The following CELF2 variants were observed in gnomAD, a reference collection of about 807,000 sequenced individuals.
CELF2 encodes the protein CUG triplet repeat RNA-binding protein 2.
A neutral mutation model predicts 62.6 loss-of-function variants in CELF2; 8 were observed. The ratio of observed to expected loss-of-function variants is 0.13; its 90% CI spans 0.07 to 0.23. The LOEUF (loss-of-function observed/expected upper bound fraction) is 0.23. Ranked by LOEUF, CELF2 falls within the 10% of genes least tolerant of loss-of-function variation. CELF2 has a pLI of 1.00. For synonymous variants in CELF2, 258 were observed against 250.0 expected, an observed-to-expected ratio of 1.03 and a Z score of -0.30; for missense variants, 333 against 671.0, an observed-to-expected ratio of 0.50 and a Z score of 5.56.
the CELF2 span, among the ~76,000 whole-genome samples, chr10:10,615,321 G>C: frequency 6.6e-6 from 1 of 152,198 alleles, no homozygotes; most frequent in East Asian, 1.9e-4. Flanking sequence ...TTACAGACAT[G>C]CACAAAGCAG....
intron 2 of CELF2, among the ~76,000 whole-genome samples, chr10:11,183,744 A>G (rs989570381): frequency 4.6e-5 from 7 of 152,188 alleles, no homozygotes; most frequent in Admixed American, 2.6e-4. Context: ...TCTATCTTCA[A>G]TTCAGATCTT....
the CELF2 span, among the ~76,000 whole-genome samples, chr10:10,694,974 A>T: frequency 6.6e-6 from 1 of 151,040 alleles, no homozygotes. Flanking sequence ...CCAATTTGCC[A>T]GTCTGTGTCT....
chr10:11,289,136 G>T (rs1484224487), intron 9 of CELF2, among the ~76,000 whole-genome samples: 1 of 152,152 alleles, frequency 6.6e-6, no homozygotes, highest in Non-Finnish European at 1.5e-5. Context: ...ATACAAGCCA[G>T]ATAGAATGTG....
At chr10:11,034,189 T>G (rs2060586544) in intron 1 of CELF2, among the ~76,000 whole-genome samples, 2 of 152,226 alleles carry the variant, frequency 1.3e-5, no homozygotes, top group Non-Finnish European at 2.9e-5. Context: ...AACACAAGTT[T>G]AAAATGAAGA....
chr10:10,900,949 G>C (rs1223717862), intron 1 of CELF2, among the ~76,000 whole-genome samples: 1 of 152,160 alleles, frequency 6.6e-6, no homozygotes, highest in Admixed American at 6.5e-5. Flanking sequence ...TCCTTCAAAA[G>C]TATTAAGCCT....
chr10:10,494,579 G>A, the CELF2 span, among the ~76,000 whole-genome samples: 1 of 152,176 alleles, frequency 6.6e-6, no homozygotes, highest in South Asian at 2.1e-4. Flanking sequence ...ATGATAAGGA[G>A]ATTTGACATT....
chr10:10,801,398 T>G (rs2054648259), intron 1 of CELF2, among the ~76,000 whole-genome samples: 2 of 152,248 alleles, frequency 1.3e-5, no homozygotes, highest in Non-Finnish European at 2.9e-5. Context: ...TTTTGCTTCA[T>G]TTAACGGTTT....
At chr10:11,141,072 A>G (rs2061281775) in intron 1 of CELF2, among the ~76,000 whole-genome samples, 1 of 152,238 alleles carries the variant, frequency 6.6e-6, no homozygotes. Flanking sequence ...TTCATTGAGT[A>G]CAATTTTTTG....
the CELF2 span, among the ~76,000 whole-genome samples, chr10:10,647,953 C>T: frequency 1.1e-4 from 16 of 152,146 alleles, no homozygotes; most frequent in Non-Finnish European, 1.5e-4. Context: ...AAAGCACCTG[C>T]ATTTTGATCC....
Position 11,332,432 on chromosome 10 carries a change from GGTT to G in CELF2, c.*3380_*3382del, listed in dbSNP as rs2096045115. On this transcript the variant is annotated 3_prime_UTR_variant, in exon 13 of 13. Coordinates refer to ENST00000633077, the MANE Select transcript of CELF2 (RefSeq NM_001326342.2). ...CCCATAGCCCTTTCCCAGCCTTTTT[GGTT>G]TTTTTAATTGAACACATTTCATCTA... The G allele has an allele frequency of 6.6e-6, 1 of 152,310 alleles. No homozygotes were observed. Among genetic ancestry groups the G allele is most frequent in the African/African-American group, 2.4e-5 (1 of 41,352 alleles). 9.4% of individuals were successfully genotyped at this position (152,310 alleles called of 1,614,324 possible).
At chr10:11,102,195 A>G (rs1403903440) in intron 1 of CELF2, 1 of 152,252 alleles carries the variant, frequency 6.6e-6, no homozygotes, top group African/African-American at 2.4e-5. Flanking sequence ...AAGCAAAAAT[A>G]AATTCACAGA....
chr10:10,901,221 G>GATTA (rs2062916584), intron 1 of CELF2, among the ~76,000 whole-genome samples: 1 of 152,150 alleles, frequency 6.6e-6, no homozygotes, highest in Non-Finnish European at 1.5e-5. Flanking sequence ...AAATAACGTT[G>GATTA]ACAGAGAAAA....
the CELF2 span, among the ~76,000 whole-genome samples, chr10:10,623,029 T>C: frequency 7.5e-6 from 1 of 132,934 alleles, no homozygotes; most frequent in South Asian, 2.4e-4. Flanking sequence ...GAGCTTGCAG[T>C]GAGCCGAGAT....
the CELF2 span, among the ~76,000 whole-genome samples, chr10:10,568,320 A>G: frequency 1.3e-5 from 2 of 152,092 alleles, no homozygotes; most frequent in African/African-American, 4.8e-5. Flanking sequence ...GAAAAAAAAA[A>G]GTAAGTGAAG....
intron 1 of CELF2, among the ~76,000 whole-genome samples, chr10:11,063,405 T>G (rs1309231237): frequency 6.6e-6 from 1 of 152,230 alleles, no homozygotes; most frequent in Admixed American, 6.5e-5. Context: ...AATCTCCACA[T>G]GGGAACATAT....
At chr10:10,854,854 T>A (rs2132927040) in intron 1 of CELF2, among the ~76,000 whole-genome samples, 1 of 151,786 alleles carries the variant, frequency 6.6e-6, no homozygotes, top group South Asian at 2.1e-4. Flanking sequence ...CCTAGCTGAT[T>A]GAGTCATACC....
At chr10:10,521,848 A>G in the CELF2 span, among the ~76,000 whole-genome samples, 24 of 152,244 alleles carry the variant, frequency 1.6e-4, no homozygotes, top group African/African-American at 5.5e-4. Flanking sequence ...TTTTAAAGCC[A>G]TAAGCAGATG....
chr10:11,024,652 C>T lies in CELF2; in HGVS notation c.74+6489C>T, dbSNP rs116446866. On this transcript the variant is annotated intron_variant, in intron 1 of 12. Coordinates refer to ENST00000633077, the MANE Select transcript of CELF2 (RefSeq NM_001326342.2). ...AATAATAATAATAATGAAGAAGTCCCGGAAGTTTGTCTCCTCAGTGAGACT... is the reference window on the plus strand; with the variant it reads ...AATAATAATAATAATGAAGAAGTCCTGGAAGTTTGTCTCCTCAGTGAGACT... 7.7e-3 allele frequency among the ~76,000 whole-genome samples: 1,177 copies of T among 152,124 alleles called. 9 individuals carry two copies. Among genetic ancestry groups the T allele is most frequent in the African/African-American group, 0.027 (1,124 of 41,478 alleles).
the CELF2 span, among the ~76,000 whole-genome samples, chr10:10,650,913 T>A: frequency 0.015 from 2,254 of 151,998 alleles, 50 homozygotes; most frequent in African/African-American, 0.051. Flanking sequence ...GCTCCCAGCG[T>A]GAGCGACGCA....
Sources: gnomAD v4.1 joint callset for allele counts (sites outside exome capture counted in the v4.1 genomes callset) on GRCh38, gnomAD v4.1.1 for gene constraint, MANE v1.5 for transcripts, NCBI Gene and HGNC (gene_info 2026-07-23, HGNC 2026-07-21) for gene names.